Variants in RPS24 observed in about 807,000 individuals in gnomAD.
RPS24 encodes small ribosomal subunit protein eS24.
For synonymous variants in RPS24, 72 were observed against 55.6 expected (o/e 1.30, Z -1.31); for missense variants, 100 against 162.5 (o/e 0.62, Z 2.09).
intron 5 of RPS24, 67 bp downstream of exon 5, chr10:78,040,292 T>G: frequency 7.5e-7 from 1 of 1,326,386 alleles, no homozygotes; most frequent in Admixed American, 1.7e-5. Context: ...ACGTAGCAAT[T>G]TAAAAGCAGA....
At chr10:78,036,185 T>C (rs897027800) in intron 3 of RPS24, 32 of 203,914 alleles carry the variant, frequency 1.6e-4, no homozygotes, top group African/African-American at 5.6e-4. Context: ...CAAGTAAGCA[T>C]CATCACCTCG....
intron 3 of RPS24, among the ~76,000 whole-genome samples, chr10:78,036,785 A>G (rs1847878253): frequency 6.6e-6 from 1 of 152,150 alleles, no homozygotes; most frequent in Admixed American, 6.5e-5. Flanking sequence ...TAGATCCGGA[A>G]TCTCCATGAT....
chr10:78,053,200 G>C (rs796469712), intron 4 of RPS24, among the ~76,000 whole-genome samples: 1 of 136,628 alleles, frequency 7.3e-6, no homozygotes, highest in Non-Finnish European at 1.6e-5. Flanking sequence ...AAAAAAAAAA[G>C]AAAAGAAAAA....
chr10:78,045,425 GTGTC>G (rs1221788517), downstream of RPS24, among the ~76,000 whole-genome samples: 7 of 152,130 alleles, frequency 4.6e-5, no homozygotes, highest in Admixed American at 2.0e-4. Context: ...TTCCCTCCCT[GTGTC>G]TGTCTGCTAT....
chr10:78,046,255 A>G (rs1434324274), intron 4 of RPS24, among the ~76,000 whole-genome samples: 2 of 151,568 alleles, frequency 1.3e-5, no homozygotes, highest in East Asian at 1.9e-4. Context: ...CAGTAATACT[A>G]TTGCTAATTA....
chr10:78,034,010 C>T (rs1231226840), intron 1 of RPS24, 106 bp downstream of exon 1: 8 of 1,404,418 alleles, frequency 5.7e-6, no homozygotes, highest in South Asian at 2.3e-5. Context: ...GGTTGCTCTT[C>T]TCTGGCCGTT....
intron 3 of RPS24, chr10:78,036,293 A>G (rs1359462628): frequency 6.1e-6 from 1 of 164,616 alleles, no homozygotes; most frequent in Non-Finnish European, 1.3e-5. Flanking sequence ...TGGTGATGTC[A>G]TAGGTAGAGG....
downstream of RPS24, among the ~76,000 whole-genome samples, chr10:78,042,031 A>G (rs888271699): frequency 6.6e-6 from 1 of 152,224 alleles, no homozygotes; most frequent in Non-Finnish European, 1.5e-5. Context: ...GGGTTGTGAT[A>G]TTATAGAAAA....
At chr10:78,051,817 T>A (rs867163733) in intron 4 of RPS24, among the ~76,000 whole-genome samples, 3 of 152,238 alleles carry the variant, frequency 2.0e-5, no homozygotes, top group Non-Finnish European at 4.4e-5. Flanking sequence ...ACTAATGGTG[T>A]TGAGCATCAT....
intron 4 of RPS24, among the ~76,000 whole-genome samples, chr10:78,053,898 C>A (rs1589337153): frequency 1.3e-5 from 2 of 152,114 alleles, no homozygotes; most frequent in African/African-American, 4.8e-5. Context: ...ACCAACATGT[C>A]TACCACGAAC....
downstream of RPS24, among the ~76,000 whole-genome samples, chr10:78,042,099 T>G (rs1847992102): frequency 6.6e-6 from 1 of 152,254 alleles, no homozygotes; most frequent in East Asian, 1.9e-4. Context: ...TGGCAAATTT[T>G]ACGTAAAGGT....
chr10:78,034,980 T>C (rs982601782), intron 1 of RPS24, among the ~76,000 whole-genome samples: 2 of 152,206 alleles, frequency 1.3e-5, no homozygotes, highest in African/African-American at 4.8e-5. Flanking sequence ...GCTTCCGGCA[T>C]CTAGTGGTTA....
chr10:78,043,098 G>T (rs1034580106), downstream of RPS24, among the ~76,000 whole-genome samples: 3 of 152,086 alleles, frequency 2.0e-5, no homozygotes, highest in Admixed American at 2.0e-4. Flanking sequence ...CTGCCTCACG[G>T]GTTCACGCCA....
At chr10:78,042,335 G>T (rs1847995259), downstream of RPS24, among the ~76,000 whole-genome samples, 1 of 152,138 alleles carries the variant, frequency 6.6e-6, no homozygotes, top group South Asian at 2.1e-4. Flanking sequence ...AGTGTTTTTT[G>T]GGGAAGTCAC....
chr10:78,044,560 C>G (rs576966668), downstream of RPS24, among the ~76,000 whole-genome samples: 1 of 151,970 alleles, frequency 6.6e-6, no homozygotes, highest in East Asian at 1.9e-4. Flanking sequence ...AGAGGCTCTC[C>G]TGGGTTTTAG....
At chr10:78,034,505 C>T (rs1847817607) in intron 1 of RPS24, 1 of 155,030 alleles carries the variant, frequency 6.5e-6, no homozygotes, top group Non-Finnish European at 1.4e-5. Context: ...TTTCTCCTTA[C>T]CTTTGATCCG....
chr10:78,046,139 C>T (rs966298701), intron 4 of RPS24, among the ~76,000 whole-genome samples: 11 of 152,074 alleles, frequency 7.2e-5, no homozygotes, highest in Non-Finnish European at 1.6e-4. Context: ...CAGGTGAGCT[C>T]AGGCTTGGGA....
chr10:78,039,963 G>T (rs916432563), intron 4 of RPS24: 1 of 590,664 alleles, frequency 1.7e-6, no homozygotes, highest in African/African-American at 1.9e-5. Context: ...GTGAAGTCCG[G>T]CTACCTCGTT....
chr10:78,038,423 A>T (rs533918660), intron 4 of RPS24: 2 of 153,220 alleles, frequency 1.3e-5, no homozygotes, highest in East Asian at 3.8e-4. Context: ...AGCACTGGTA[A>T]TAAACTAGTC....
Sources: allele counts gnomAD v4.1 joint callset (sites outside exome capture counted in the v4.1 genomes callset), GRCh38; gene constraint gnomAD v4.1.1; transcripts MANE v1.5; gene names NCBI Gene and HGNC (gene_info 2026-07-23, HGNC 2026-07-21).